Variants in CAMK2D observed in about 807,000 individuals in gnomAD.
CAMK2D encodes calcium/calmodulin dependent protein kinase II delta.
In CAMK2D, 37 loss-of-function variants were observed where a neutral mutation model predicts 84.0. The ratio of observed to expected loss-of-function variants is 0.44; its 90% confidence interval spans 0.34 to 0.58. The LOEUF (loss-of-function observed/expected upper bound fraction) is 0.58. CAMK2D is among the 20% of genes least tolerant of loss of function. The pLI, the probability that CAMK2D is intolerant of heterozygous loss-of-function variation, is 0.02. For synonymous variants in CAMK2D, 202 were observed against 212.5 expected (o/e 0.95, Z 0.43); for missense variants, 448 against 652.5 (o/e 0.69, Z 3.41).
In CAMK2D at chr4:113,649,903, G is replaced by A. The variant is rs539493072; in HGVS notation, c.220+11810C>T. Among the ~76,000 whole-genome samples the A allele has an allele frequency of 9.9e-5, 15 of 152,164 alleles. No individual in the cohort carries two copies. The South Asian group carries it at 1.5e-3, about 15-fold the overall frequency. On this transcript the variant is annotated intron_variant, in intron 3 of 20. Transcript: ENST00000511664. ...TTGAGACCAGCCTGGCCAACATGGC[G>A]AAACCCTGTCCCTACTAAAAATACA... is the stretch of plus-strand genomic sequence containing the variant.
intron 16 of CAMK2D, among the ~76,000 whole-genome samples, chr4:113,490,476 G>C (rs2097823490): frequency 2.0e-5 from 2 of 101,750 alleles, no homozygotes; most frequent in South Asian, 5.7e-4. Context: ...TATTTCTGAG[G>C]GCTCTGTTCT....
intron 17 of CAMK2D, among the ~76,000 whole-genome samples, chr4:113,463,442 T>A (rs770851322): frequency 6.6e-6 from 1 of 152,238 alleles, no homozygotes; most frequent in Admixed American, 6.5e-5. Context: ...AATGGTGCGA[T>A]CTCAGCTCAC....
intron 8 of CAMK2D, among the ~76,000 whole-genome samples, chr4:113,520,117 TGTTCTAGGCCGG>T (rs11273480): frequency 0.21 from 32,126 of 152,050 alleles, 3,565 homozygotes; most frequent in Non-Finnish European, 0.26. Flanking sequence ...AAGTGTTTGT[TGTTCTAGGCCGG>T]GCGTGGTGGC....
At chr4:113,624,702 G>A (rs999333027) in intron 3 of CAMK2D, among the ~76,000 whole-genome samples, 4 of 152,138 alleles carry the variant, frequency 2.6e-5, no homozygotes, top group Admixed American at 1.3e-4. Context: ...AAGAAACTGC[G>A]TTGAAGGAAT....
At chr4:113,660,682 C>A (rs1228754659) in intron 3 of CAMK2D, among the ~76,000 whole-genome samples, 2 of 152,084 alleles carry the variant, frequency 1.3e-5, no homozygotes, top group African/African-American at 2.4e-5. Flanking sequence ...TAAACCACCG[C>A]ACCTGGCCTA....
At chr4:113,721,723 A>T (rs72899829) in intron 2 of CAMK2D, among the ~76,000 whole-genome samples, 75 of 152,286 alleles carry the variant, frequency 4.9e-4, no homozygotes, top group African/African-American at 1.6e-3. Context: ...ACTGCCGTAA[A>T]TTATCTCTTT....
intron 8 of CAMK2D, among the ~76,000 whole-genome samples, chr4:113,523,538 C>T (rs776609050): frequency 4.6e-5 from 7 of 152,042 alleles, no homozygotes; most frequent in African/African-American, 7.3e-5. Flanking sequence ...TTTGGGAGGC[C>T]GAAGTGGGCA....
intron 2 of CAMK2D, among the ~76,000 whole-genome samples, chr4:113,736,925 TGC>T (rs571638443): frequency 1.1e-3 from 168 of 152,264 alleles, no homozygotes; most frequent in Non-Finnish European, 2.0e-3. Flanking sequence ...ATATCCAATA[TGC>T]GCATTATGAA....
At chr4:113,471,169 C>T (rs2097542385) in intron 16 of CAMK2D, among the ~76,000 whole-genome samples, 1 of 152,212 alleles carries the variant, frequency 6.6e-6, no homozygotes, top group Non-Finnish European at 1.5e-5. Flanking sequence ...TCTCCCAGCT[C>T]AAAACCTGGG....
At chr4:113,691,714 C>T (rs1311174995) in intron 2 of CAMK2D, among the ~76,000 whole-genome samples, 1 of 152,074 alleles carries the variant, frequency 6.6e-6, no homozygotes, top group Non-Finnish European at 1.5e-5. Context: ...GATCACACCA[C>T]TGCACTGCAC....
intron 2 of CAMK2D, among the ~76,000 whole-genome samples, chr4:113,743,903 C>T (rs1169784001): frequency 6.6e-6 from 1 of 151,836 alleles, no homozygotes; most frequent in Non-Finnish European, 1.5e-5. Context: ...TGCAGTGGTG[C>T]AATCCTGGCT....
intron 2 of CAMK2D, among the ~76,000 whole-genome samples, chr4:113,724,507 G>A (rs962247542): frequency 4.0e-5 from 6 of 150,496 alleles, no homozygotes; most frequent in South Asian, 2.1e-4. Context: ...AATATTTACC[G>A]AGCATTTACT....
At chr4:113,663,423 C>CAA (rs902656674) in intron 2 of CAMK2D, among the ~76,000 whole-genome samples, 1 of 150,800 alleles carries the variant, frequency 6.6e-6, no homozygotes, top group African/African-American at 2.4e-5. Context: ...TCATCTCTAC[C>CAA]AAAAAAAACA....
At chr4:113,616,762 T>G (rs1490426500) in intron 3 of CAMK2D, among the ~76,000 whole-genome samples, 2 of 152,198 alleles carry the variant, frequency 1.3e-5, no homozygotes, top group Non-Finnish European at 2.9e-5. Context: ...AGGTAATTCA[T>G]GTAATACTCT....
chr4:113,494,056 C>G (rs1264036940), intron 16 of CAMK2D, among the ~76,000 whole-genome samples: 2 of 151,972 alleles, frequency 1.3e-5, no homozygotes. Context: ...AAATTTTTTT[C>G]AAAGTTTTCA....
chr4:113,515,843 A>T (rs1484431849), intron 9 of CAMK2D, among the ~76,000 whole-genome samples: 1 of 152,232 alleles, frequency 6.6e-6, no homozygotes, highest in Non-Finnish European at 1.5e-5. Flanking sequence ...ATATGAAAGT[A>T]ATCAAATCTT....
intron 4 of CAMK2D, among the ~76,000 whole-genome samples, chr4:113,564,930 G>A (rs575368121): frequency 1.3e-5 from 2 of 152,032 alleles, no homozygotes; most frequent in Non-Finnish European, 2.9e-5. Context: ...GGACATCAAC[G>A]GATATAACAG....
intron 4 of CAMK2D, among the ~76,000 whole-genome samples, chr4:113,599,060 A>G (rs1382276090): frequency 1.3e-5 from 2 of 152,234 alleles, no homozygotes; most frequent in African/African-American, 4.8e-5. Context: ...ATATGAGATG[A>G]TGTTAATCAT....
At chr4:113,496,814 A>G (rs2097940390) in intron 16 of CAMK2D, among the ~76,000 whole-genome samples, 1 of 93,428 alleles carries the variant, frequency 1.1e-5, no homozygotes, top group Non-Finnish European at 2.0e-5. Flanking sequence ...GTTTCCTGAC[A>G]TAGCATCATC....
Sources: allele counts gnomAD v4.1 joint callset (sites outside exome capture counted in the v4.1 genomes callset), GRCh38; gene constraint gnomAD v4.1.1; transcripts MANE v1.5; gene names NCBI Gene and HGNC (gene_info 2026-07-23, HGNC 2026-07-21).